Variants in CUEDC1 observed in about 807,000 individuals in gnomAD.
CUEDC1 encodes CUE domain containing 1.
Under a neutral mutation model 43.7 loss-of-function variants are expected in CUEDC1, and 30 were observed. The ratio of observed to expected loss-of-function variants is 0.69; its 90% confidence interval spans 0.51 to 0.93. The LOEUF is 0.93. Among genes scored for constraint, CUEDC1 ranks in the 40% least tolerant of loss-of-function variants. The probability of loss-of-function intolerance (pLI) is 0.00; values close to 1 mark genes in which losing one functional copy is unlikely to be tolerated. For missense variants in CUEDC1, 486 were observed against 549.0 expected, an observed-to-expected ratio of 0.89 and a Z score of 1.15; for synonymous variants, 223 against 223.6, an observed-to-expected ratio of 1.00 and a Z score of 0.02.
intron 6 of CUEDC1, among the ~76,000 whole-genome samples, chr17:57,870,943 A>G (rs964757459): frequency 6.6e-6 from 1 of 152,140 alleles, no homozygotes; most frequent in Non-Finnish European, 1.5e-5. Flanking sequence ...TCGGCCTCTC[A>G]AAGTGTTGGG....
chr17:57,864,711 A>C (rs2073931603), intron 10 of CUEDC1, among the ~76,000 whole-genome samples: 4 of 152,074 alleles, frequency 2.6e-5, no homozygotes, highest in Admixed American at 2.6e-4. Context: ...GAGGATGTCA[A>C]CTTGCAGAAG....
intron 1 of CUEDC1, among the ~76,000 whole-genome samples, chr17:57,929,464 A>C (rs773212974): frequency 1.3e-5 from 2 of 152,130 alleles, no homozygotes; most frequent in Non-Finnish European, 2.9e-5. Context: ...GTCCTTACCA[A>C]ATAAGTAGAG....
chr17:57,928,306 T>C (rs1281143521), intron 1 of CUEDC1, among the ~76,000 whole-genome samples: 3 of 151,950 alleles, frequency 2.0e-5, no homozygotes, highest in South Asian at 4.1e-4. Context: ...TCCCAGCACT[T>C]TGGGAGGCCG....
chr17:57,954,976 C>G lies in CUEDC1; in HGVS notation c.-316+249G>C, dbSNP rs1281305841. On this transcript the variant is annotated intron_variant, in intron 1 of 10. Transcript: ENST00000577830. The surrounding 1 kb of genome is among the most constrained non-coding windows in gnomAD (Gnocchi z 4.3). ...CCCGCACGCCCCCCGCGCCCGGGGC[C>G]CGGGATGAGGTGGGGGCTCGGGAAG... 2.0e-5 allele frequency among the ~76,000 whole-genome samples: 3 copies of G among 151,616 alleles called. No individual in the cohort carries two copies. Among genetic ancestry groups the G allele is most frequent in the Non-Finnish European group, 2.9e-5 (2 of 67,808 alleles).
chr17:57,918,607 A>G (rs554808954), intron 1 of CUEDC1, among the ~76,000 whole-genome samples: 1 of 152,346 alleles, frequency 6.6e-6, no homozygotes. Context: ...TTTAATAAAT[A>G]TTTGAATTAA....
chr17:57,879,795 CCATT>C, intron 2 of CUEDC1, 57 bp from the exon 3 acceptor site: 1 of 1,536,760 alleles, frequency 6.5e-7, no homozygotes, highest in Non-Finnish European at 8.8e-7. Flanking sequence ...AATTTAAATA[CCATT>C]CAGACAAAAT....
At chr17:57,887,891 T>C (rs1387288057) in intron 1 of CUEDC1, among the ~76,000 whole-genome samples, 1 of 149,102 alleles carries the variant, frequency 6.7e-6, no homozygotes, top group Non-Finnish European at 1.5e-5. Context: ...TTTCTTTTTC[T>C]TTTTCTCTTT....
At chr17:57,882,382 C>G (rs2074221236) in intron 2 of CUEDC1, among the ~76,000 whole-genome samples, 1 of 152,096 alleles carries the variant, frequency 6.6e-6, no homozygotes, top group African/African-American at 2.4e-5. Flanking sequence ...CTTAGAAAAA[C>G]AGAAGTGCAC....
At chr17:57,865,759 C>T (rs1000160359) in intron 10 of CUEDC1, among the ~76,000 whole-genome samples, 3 of 151,820 alleles carry the variant, frequency 2.0e-5, no homozygotes, top group African/African-American at 7.3e-5. Context: ...CCAACCCAAG[C>T]AGGGGGCTGG....
chr17:57,885,495 C>G lies in CUEDC1; in HGVS notation c.70G>C (p.Gly24Arg). 1 of 1,530,160 alleles carries G rather than the reference C, an allele frequency of 6.5e-7. No individual in the cohort carries two copies. Among genetic ancestry groups the G allele is most frequent in the Non-Finnish European group, 8.7e-7 (1 of 1,145,228 alleles). 94.8% of individuals were successfully genotyped at this position (1,530,160 alleles called of 1,614,324 possible). A position where few individuals can be genotyped will look rare whatever the true frequency, so the allele number is the denominator to read the frequency against. The change falls in exon 2 of 11, where the codon GGG becomes CGG. Residue 24 changes from glycine (G) to arginine (R), a missense_variant. Transcript: ENST00000577830. ...TCCTGGGGGGCGGCCGTGCCTCCCC[C>G]GCCCCCGCGTGCCCCGGCGGTGCCA... ...GGGTAGARGG[G>R]GGTAAPQELN... is the part of the protein sequence containing the mutation.
chr17:57,947,518 G>A (rs917943623), intron 1 of CUEDC1, among the ~76,000 whole-genome samples: 1 of 152,156 alleles, frequency 6.6e-6, no homozygotes, highest in Non-Finnish European at 1.5e-5. Flanking sequence ...TTGTGCTCGA[G>A]CCAGGCACGG....
intron 8 of CUEDC1, 88 bp downstream of exon 8, chr17:57,868,062 G>T: frequency 9.1e-7 from 1 of 1,101,688 alleles, no homozygotes; most frequent in East Asian, 2.4e-5. Context: ...TCCCAGGGGA[G>T]GGCACAGCTG....
intron 1 of CUEDC1, among the ~76,000 whole-genome samples, chr17:57,902,162 G>A (rs2074478626): frequency 6.6e-6 from 1 of 151,134 alleles, no homozygotes. Context: ...TTGCACTCCA[G>A]CCTGGAAGAC....
At position 57,952,141 on chromosome 17, in the gene CUEDC1, C is replaced by T. The variant is rs2075012770; in HGVS notation, c.-316+3084G>A. ...GCATGCCACCAAGACACTTTCAATT[C>T]CCAAGTCAAGGACCACTGGACCACA... On this transcript the variant is annotated intron_variant, in intron 1 of 10. Transcript: ENST00000577830. 2.0e-5 allele frequency among the ~76,000 whole-genome samples: 3 copies of T among 152,308 alleles called. No homozygotes were observed. The South Asian group carries it at 6.2e-4, about 32-fold the overall frequency.
At chr17:57,872,574 C>A in intron 5 of CUEDC1, 89 bp downstream of exon 5, 1 of 1,449,210 alleles carries the variant, frequency 6.9e-7, no homozygotes, top group Non-Finnish European at 9.4e-7. Flanking sequence ...CCCTCAGCCC[C>A]CAGCTCAGTG....
At chr17:57,952,218 A>G (rs973003823) in intron 1 of CUEDC1, among the ~76,000 whole-genome samples, 1 of 145,132 alleles carries the variant, frequency 6.9e-6, no homozygotes, top group African/African-American at 2.6e-5. Flanking sequence ...ATTTTATTTT[A>G]TTTATTTATT....
At chr17:57,914,469 T>C (rs1205479379) in intron 1 of CUEDC1, among the ~76,000 whole-genome samples, 3 of 152,100 alleles carry the variant, frequency 2.0e-5, no homozygotes, top group Non-Finnish European at 4.4e-5. Context: ...CAGGTTCAGG[T>C]TGCTGTGCAC....
At chr17:57,904,569 C>T (rs552616224) in intron 1 of CUEDC1, among the ~76,000 whole-genome samples, 21 of 152,298 alleles carry the variant, frequency 1.4e-4, no homozygotes, top group African/African-American at 4.1e-4. Flanking sequence ...CTTAGTTCCC[C>T]GGGAATGGCC....
At chr17:57,950,973 C>T (rs72839914) in intron 1 of CUEDC1, among the ~76,000 whole-genome samples, 1,968 of 152,184 alleles carry the variant, frequency 0.013, 19 homozygotes, top group Middle Eastern at 0.041. Flanking sequence ...AGAGTTGGTT[C>T]CACAGCAGGG....
Sources: allele counts gnomAD v4.1 joint callset (sites outside exome capture counted in the v4.1 genomes callset), GRCh38; gene constraint gnomAD v4.1.1; non-coding constraint Gnocchi (gnomAD v3.1); transcripts MANE v1.5; gene names NCBI Gene and HGNC (gene_info 2026-07-23, HGNC 2026-07-21).